BOD1L1: variants seen among roughly 807,000 people sequenced by gnomAD.
BOD1L1 encodes biorientation of chromosomes in cell division protein 1-like 1.
BOD1L1 carries 86 observed loss-of-function variants against 240.7 expected under a neutral mutation model. The ratio of observed to expected loss-of-function variants is 0.36; its 90% CI spans 0.30 to 0.43. The LOEUF (loss-of-function observed/expected upper bound fraction) is 0.43, where lower values mean the gene tolerates loss of function less well. Ranked by LOEUF, BOD1L1 falls within the 20% of genes least tolerant of loss-of-function variation. The probability of loss-of-function intolerance (pLI) is 1.00; values close to 1 mark genes in which losing one functional copy is unlikely to be tolerated. For synonymous variants in BOD1L1, 1,268 were observed against 1,272.3 expected (o/e 1.00, Z 0.07); for missense variants, 3,554 against 3,643.5 (o/e 0.98, Z 0.63).
In BOD1L1 at chr4:13,581,168, G is replaced by T; in HGVS notation, c.8632C>A (p.Pro2878Thr). Reference sequence around the variant, plus strand: ...GTTGTTTCTACAGGGTATTTGCGAGGTCTTCCTCTTTTCCTTTTAATAATT... The same window carrying T: ...GTTGTTTCTACAGGGTATTTGCGAGTTCTTCCTCTTTTCCTTTTAATAATT... ...PIIIKRKRGR[P>T]RKYPVETTLK... Residue 2878 changes from proline (P) to threonine (T), a missense_variant, in exon 20 of 26, where the codon CCT becomes ACT. Physicochemically the swap from Pro to Thr is conservative, Grantham distance 38. This residue lies in a region of BOD1L1 where 3,393 missense variants were observed against 3,427.1 expected (regional missense o/e 0.99). Coordinates refer to ENST00000040738, the MANE Select transcript of BOD1L1 (RefSeq NM_148894.3). The T allele has an allele frequency of 6.3e-7, 1 of 1,576,440 alleles. No homozygotes were observed.
At chr4:13,575,501 C>T (rs1712636821) in intron 25 of BOD1L1, among the ~76,000 whole-genome samples, 1 of 152,074 alleles carries the variant, frequency 6.6e-6, no homozygotes, top group Non-Finnish European at 1.5e-5. Flanking sequence ...CCATCTCAGC[C>T]TCCCAAGTAG....
At chr4:13,607,330 G>A (rs1269128311) in intron 8 of BOD1L1, 141 bp from the exon 9 acceptor site, 1 of 304,866 alleles carries the variant, frequency 3.3e-6, no homozygotes, top group African/African-American at 2.2e-5. Flanking sequence ...GTGGAGTCTT[G>A]CTCTTGTTGC....
intron 19 of BOD1L1, among the ~76,000 whole-genome samples, chr4:13,581,943 T>G (rs1228107981): frequency 1.3e-5 from 2 of 152,162 alleles, no homozygotes; most frequent in Non-Finnish European, 2.9e-5. Context: ...AGCTCAGCAT[T>G]GCCAGGCCAG....
intron 12 of BOD1L1, chr4:13,593,274 G>A (rs1420757596): frequency 6.6e-6 from 1 of 152,080 alleles, no homozygotes; most frequent in African/African-American, 2.4e-5. Flanking sequence ...TAAAACACAT[G>A]TAGTGATATG....
chr4:13,590,060 C>T (rs886269034), intron 14 of BOD1L1, among the ~76,000 whole-genome samples: 6 of 152,192 alleles, frequency 3.9e-5, no homozygotes, highest in Non-Finnish European at 7.3e-5. Flanking sequence ...ACACATTTCA[C>T]AGTTGGGTAC....
At chr4:13,598,816 G>A (rs1174668083) in intron 10 of BOD1L1, 130 bp downstream of exon 10, 26 of 961,742 alleles carry the variant, frequency 2.7e-5, no homozygotes, top group Non-Finnish European at 2.7e-5. Flanking sequence ...ATTATGATAT[G>A]AGAAAAAAAT....
chr4:13,580,046 A>C, intron 21 of BOD1L1, 73 bp from the exon 22 acceptor site: 1 of 1,103,218 alleles, frequency 9.1e-7, no homozygotes, highest in South Asian at 1.4e-5. Flanking sequence ...AATGCAATCA[A>C]TGATGTAAAG....
intron 11 of BOD1L1, 47 bp from the exon 12 acceptor site, chr4:13,595,991 CAAG>C (rs1187786105): frequency 1.8e-5 from 27 of 1,494,410 alleles, no homozygotes; most frequent in African/African-American, 4.2e-5. Context: ...AGGGTTTTTA[CAAG>C]AAGACTAACC....
chr4:13,592,097 T>C, intron 12 of BOD1L1, 131 bp from the exon 13 acceptor site: 1 of 611,808 alleles, frequency 1.6e-6, no homozygotes, highest in Non-Finnish European at 2.8e-6. Flanking sequence ...TTTCATAAAT[T>C]ATAAAAATCT....
At chr4:13,614,093 T>C in intron 4 of BOD1L1, 103 bp downstream of exon 4, 2 of 1,085,422 alleles carry the variant, frequency 1.8e-6, no homozygotes, top group South Asian at 3.8e-5. Flanking sequence ...TTTCCAAAAG[T>C]ATTAAATAAA....
rs778446770 is a variant in BOD1L1, at chr4:13,582,764, C to T, written c.8434-28G>A. 3.3e-6 allele frequency: 5 copies of T among 1,493,376 alleles called. No homozygotes were observed. The African/African-American group carries it at 5.5e-5, about 17-fold the overall frequency. The allele number at this position is 1,493,376 out of a possible 1,614,324, so 92.5% of individuals were successfully genotyped here. On this transcript the variant is annotated intron_variant, in intron 17 of 25. Transcript: ENST00000040738. ...ATAGAGAAGTTGAAAAAGACTAGAACCTTCTTCAAACTGAAGCCTTCGTCC... is the reference window on the plus strand; with the variant it reads ...ATAGAGAAGTTGAAAAAGACTAGAATCTTCTTCAAACTGAAGCCTTCGTCC...
intron 15 of BOD1L1, 90 bp from the exon 16 acceptor site, chr4:13,587,861 G>T: frequency 3.3e-6 from 3 of 897,822 alleles, no homozygotes; most frequent in South Asian, 1.7e-5. Context: ...TCTAACCTTT[G>T]GAATAAGTTG....
In BOD1L1 at chr4:13,569,691, G is replaced by C. The variant is rs1712036302; in HGVS notation, c.*320C>G. Reference sequence around the variant, plus strand: ...ATTACCAGTAGGCAGCCTGGCGTCTGATGGGCTGGAGGGGTTTGCATTCAT... The same window carrying C: ...ATTACCAGTAGGCAGCCTGGCGTCTCATGGGCTGGAGGGGTTTGCATTCAT... On this transcript the variant is annotated 3_prime_UTR_variant, in exon 26 of 26. Transcript: ENST00000040738. 1 of 187,496 alleles carries C rather than the reference G, an allele frequency of 5.3e-6. No homozygotes were observed. The highest frequency in any genetic ancestry group is 1.1e-5 in the Non-Finnish European group (1 of 92,058). The allele number at this position is 187,496 out of a possible 1,614,324, so 11.6% of individuals were successfully genotyped here.
Position 13,611,075 on chromosome 4 carries a change from T to G in BOD1L1, c.1350A>C (p.Lys450Asn). Residue 450 changes from lysine (K) to asparagine (N), a missense_variant, in exon 6 of 26, where the codon AAA becomes AAC. By Grantham distance (94) the Lys-to-Asn change is moderately conservative. Transcript: ENST00000040738. ...SDDEEKNKQN[K>N]TKTQTSDSSE... Reference sequence around the variant, plus strand: ...TAGAATCACTAGTTTGAGTTTTTGTTTTATTCTGTTTGTTCTTCTCTTCAT... The same window carrying G: ...TAGAATCACTAGTTTGAGTTTTTGTGTTATTCTGTTTGTTCTTCTCTTCAT... The G allele has an allele frequency of 6.2e-7, 1 of 1,607,944 alleles. No individual in the cohort carries two copies. Among genetic ancestry groups the G allele is most frequent in the Non-Finnish European group, 8.5e-7 (1 of 1,176,210 alleles).
chr4:13,601,557 C>T lies in BOD1L1; in HGVS notation c.5343G>A (p.Val1781=). 1 of 1,614,042 alleles carries T rather than the reference C, an allele frequency of 6.2e-7. No individual in the cohort carries two copies. Among genetic ancestry groups the T allele is most frequent in the South Asian group, 1.1e-5 (1 of 91,084 alleles). ...CACTCTCACCTTCTGTACCATCATT[C>T]ACAGAACCATCTCCTTCTTGGCTGG... ...TSASQEGDGS[V]NDGTEGESAV... The change falls in exon 10 of 26, where the codon GTG becomes GTA. Residue 1781 remains valine (V), a synonymous_variant. Coordinates refer to ENST00000040738, the MANE Select transcript of BOD1L1 (RefSeq NM_148894.3).
At chr4:13,590,316 G>A (rs1361827721) in intron 14 of BOD1L1, 70 bp downstream of exon 14, 2 of 774,446 alleles carry the variant, frequency 2.6e-6, no homozygotes, top group Non-Finnish European at 2.0e-6. Context: ...ACAAGGCCTG[G>A]TATACAGACC....
Position 13,599,744 on chromosome 4 carries a change from AC to A in BOD1L1, c.7155del (p.Cys2386ValfsTer17). On this transcript the variant is annotated frameshift_variant, in exon 10 of 26. Coordinates refer to ENST00000040738, the MANE Select transcript of BOD1L1 (RefSeq NM_148894.3). LOFTEE classifies it high-confidence loss of function. ...MPSLIAENNC[R>X]CPGPVRGGKE... ...TTGCCTCCCCTGACTGGCCCAGGAC[AC>A]CGACAGTTATTCTCAGCAATTAGGC... The A allele has an allele frequency of 6.2e-7, 1 of 1,613,892 alleles. No individual in the cohort carries two copies. The highest frequency in any genetic ancestry group is 8.5e-7 in the Non-Finnish European group (1 of 1,179,864).
At chr4:13,573,442 G>GTCTGTCTA (rs1384944208) in intron 25 of BOD1L1, among the ~76,000 whole-genome samples, 17 of 120,856 alleles carry the variant, frequency 1.4e-4, no homozygotes, top group Admixed American at 2.7e-4. Context: ...CTGTCTGTCT[G>GTCTGTCTA]TCTATCTATC....
chr4:13,607,231 G>A (rs1213173951), intron 8 of BOD1L1, 42 bp from the exon 9 acceptor site: 16 of 1,284,606 alleles, frequency 1.2e-5, no homozygotes, highest in Admixed American at 3.3e-5. Flanking sequence ...AATCAAATAC[G>A]AAAATTTTTC....
Sources: gnomAD v4.1 joint callset for allele counts (sites outside exome capture counted in the v4.1 genomes callset) on GRCh38, gnomAD v4.1.1 for gene constraint, gnomAD v4.1.1 regional missense constraint, MANE v1.5 for transcripts, NCBI Gene and HGNC (gene_info 2026-07-23, HGNC 2026-07-21) for gene names.